Variants in ERAP1 observed in about 807,000 individuals in gnomAD.
ERAP1 encodes adipocyte-derived leucine aminopeptidase.
Under a neutral mutation model 103.7 loss-of-function variants are expected in ERAP1, and 86 were observed. The observed-to-expected ratio is 0.83, with a 90% confidence interval of 0.70 to 0.99. The LOEUF (loss-of-function observed/expected upper bound fraction) is 0.99, where lower values mean the gene tolerates loss of function less well. Among genes scored for constraint, ERAP1 ranks in the 50% least tolerant of loss-of-function variants. ERAP1 has a pLI of 0.00. For missense variants in ERAP1, 1,009 were observed against 1,128.4 expected (o/e 0.89, Z 1.52); for synonymous variants, 398 against 402.4 (o/e 0.99, Z 0.13).
the ERAP1 span, among the ~76,000 whole-genome samples, chr5:96,894,245 T>A: frequency 6.6e-6 from 1 of 152,326 alleles, no homozygotes; most frequent in Admixed American, 6.5e-5. Flanking sequence ...CTAGAATCAG[T>A]TTATCCTGTA....
At chr5:96,802,878 G>A (rs1271602776) in intron 2 of ERAP1, among the ~76,000 whole-genome samples, 1 of 152,024 alleles carries the variant, frequency 6.6e-6, no homozygotes, top group Non-Finnish European at 1.5e-5. Context: ...GACTAACAGA[G>A]GGAGAAACTA....
the ERAP1 span, among the ~76,000 whole-genome samples, chr5:96,864,257 A>G: frequency 6.6e-6 from 1 of 152,230 alleles, no homozygotes; most frequent in South Asian, 2.1e-4. Context: ...TCCCAAAGCA[A>G]TGAAATTGCC....
At chr5:96,793,252 TG>T in intron 7 of ERAP1, 147 bp downstream of exon 7, 1 of 684,982 alleles carries the variant, frequency 1.5e-6, no homozygotes, top group African/African-American at 1.8e-5. Context: ...CTAGCATTTT[TG>T]CAACACGATT....
At chr5:96,831,787 A>G in the ERAP1 span, among the ~76,000 whole-genome samples, 1 of 152,208 alleles carries the variant, frequency 6.6e-6, no homozygotes, top group African/African-American at 2.4e-5. Context: ...TGAAGTAGAG[A>G]AGCAGCTAGC....
At chr5:96,883,990 T>C in the ERAP1 span, 1 of 1,496,174 alleles carries the variant, frequency 6.7e-7, no homozygotes, top group Non-Finnish European at 8.9e-7. Flanking sequence ...AGTCTTCGTT[T>C]GTTTTTTAAA....
At chr5:96,908,387 T>A in the ERAP1 span, among the ~76,000 whole-genome samples, 1 of 152,224 alleles carries the variant, frequency 6.6e-6, no homozygotes, top group Admixed American at 6.5e-5. Context: ...GAAGAAAACG[T>A]AGAGAAGGCA....
At chr5:96,876,219 A>G in the ERAP1 span, 1 of 152,292 alleles carries the variant, frequency 6.6e-6, no homozygotes, top group African/African-American at 2.4e-5. Flanking sequence ...AACATAAACT[A>G]TGTTCTGAAG....
chr5:96,929,152 G>A, the ERAP1 span, among the ~76,000 whole-genome samples: 1 of 152,294 alleles, frequency 6.6e-6, no homozygotes, highest in Admixed American at 6.5e-5. Flanking sequence ...GCCAAACAGT[G>A]CACTTGGATC....
chr5:96,820,244 C>G, the ERAP1 span, among the ~76,000 whole-genome samples: 1 of 152,222 alleles, frequency 6.6e-6, no homozygotes, highest in East Asian at 1.9e-4. Context: ...ACTAACTAAT[C>G]AGCATTTGCT....
At chr5:96,834,303 G>T in the ERAP1 span, among the ~76,000 whole-genome samples, 1 of 152,276 alleles carries the variant, frequency 6.6e-6, no homozygotes, top group Middle Eastern at 3.4e-3. Flanking sequence ...AGCAGAAGGG[G>T]TCCTATTCCA....
At chr5:96,857,706 T>C in the ERAP1 span, among the ~76,000 whole-genome samples, 1 of 152,224 alleles carries the variant, frequency 6.6e-6, no homozygotes, top group African/African-American at 2.4e-5. Context: ...CTCTATAATC[T>C]ATGCCTCTTG....
the ERAP1 span, among the ~76,000 whole-genome samples, chr5:96,816,499 G>A: frequency 6.6e-6 from 1 of 152,160 alleles, no homozygotes; most frequent in African/African-American, 2.4e-5. Flanking sequence ...GCTCAGCAGG[G>A]ACGGTCTCAA....
At chr5:96,912,275 A>G in the ERAP1 span, among the ~76,000 whole-genome samples, 1 of 151,918 alleles carries the variant, frequency 6.6e-6, no homozygotes, top group African/African-American at 2.4e-5. Context: ...TAAAAAAAAA[A>G]TCTTATAGCA....
At chr5:96,847,003 C>T in the ERAP1 span, among the ~76,000 whole-genome samples, 1 of 150,864 alleles carries the variant, frequency 6.6e-6, no homozygotes, top group Admixed American at 6.6e-5. Context: ...CTTTGGGAGG[C>T]TGAGATGGAT....
chr5:96,779,915 T>A (rs377437885), intron 18 of ERAP1, among the ~76,000 whole-genome samples: 11 of 152,338 alleles, frequency 7.2e-5, no homozygotes, highest in African/African-American at 2.2e-4. Context: ...CCTCACATGG[T>A]TATCACCTGT....
rs1459819232 is a variant in ERAP1 at position 96,774,834 on chromosome 5, A to C, written c.*1562T>G. ...TATACCTATTTATTTGTTGTAGTGAATGGTTTAATAAATGGCAGATTTATG... is the reference window on the plus strand; with the variant it reads ...TATACCTATTTATTTGTTGTAGTGACTGGTTTAATAAATGGCAGATTTATG... On this transcript the variant is annotated 3_prime_UTR_variant, in exon 19 of 19. Coordinates refer to ENST00000443439, the MANE Select transcript of ERAP1 (RefSeq NM_001040458.3). The C allele has an allele frequency of 3.0e-6, 3 of 985,304 alleles. No homozygotes were observed. The highest frequency in any genetic ancestry group is 6.1e-5 in the Admixed American group (1 of 16,266). 61.0% of individuals were successfully genotyped at this position (985,304 alleles called of 1,614,324 possible). A position where few individuals can be genotyped will look rare whatever the true frequency, so the allele number is the denominator to read the frequency against.
the ERAP1 span, among the ~76,000 whole-genome samples, chr5:96,829,975 C>T: frequency 6.6e-6 from 1 of 152,088 alleles, no homozygotes; most frequent in Non-Finnish European, 1.5e-5. Flanking sequence ...ACTAAAAAAG[C>T]TTGAAAGATT....
chr5:96,881,309 G>A, the ERAP1 span: 1 of 420,786 alleles, frequency 2.4e-6, no homozygotes, highest in Admixed American at 2.5e-5. Flanking sequence ...ATTTGGGCCA[G>A]GCTAGTGGCA....
At chr5:96,853,187 A>G in the ERAP1 span, among the ~76,000 whole-genome samples, 1 of 152,214 alleles carries the variant, frequency 6.6e-6, no homozygotes, top group African/African-American at 2.4e-5. Context: ...CAGAAAGAAT[A>G]AATGAGCCTT....
Sources: gnomAD v4.1 joint callset for allele counts (sites outside exome capture counted in the v4.1 genomes callset) on GRCh38, gnomAD v4.1.1 for gene constraint, MANE v1.5 for transcripts, NCBI Gene and HGNC (gene_info 2026-07-23, HGNC 2026-07-21) for gene names.